UGDH: variants seen among roughly 807,000 people sequenced by gnomAD.
UGDH encodes the protein UDP-glucose 6-dehydrogenase.
In UGDH, 38 loss-of-function variants were observed where a neutral mutation model predicts 50.6. That is an observed-to-expected ratio of 0.75 (90% CI 0.58 to 0.98). The LOEUF (loss-of-function observed/expected upper bound fraction) is 0.98. UGDH is among the 50% of genes least tolerant of loss of function. The probability of loss-of-function intolerance (pLI) is 0.00; values close to 1 mark genes in which losing one functional copy is unlikely to be tolerated. For missense variants in UGDH, 465 were observed against 606.2 expected (o/e 0.77, Z 2.45); for synonymous variants, 168 against 199.9 (o/e 0.84, Z 1.35).
intron 5 of UGDH, 77 bp from the exon 6 acceptor site, chr4:39,509,984 C>A: frequency 2.1e-6 from 3 of 1,454,506 alleles, no homozygotes; most frequent in Non-Finnish European, 2.7e-6. Context: ...TATTTCATTG[C>A]GTTGACGCAA....
chr4:39,525,594 C>T (rs1434742063), intron 1 of UGDH, among the ~76,000 whole-genome samples: 1 of 149,842 alleles, frequency 6.7e-6, no homozygotes, highest in African/African-American at 2.5e-5. Context: ...GAAAGCTCTG[C>T]CTCCCAGGTT....
intron 2 of UGDH, among the ~76,000 whole-genome samples, chr4:39,515,080 C>T (rs1343717675): frequency 1.3e-5 from 2 of 152,102 alleles, no homozygotes; most frequent in Admixed American, 1.3e-4. Flanking sequence ...CTCAGGCAAT[C>T]CTCCCTGCTC....
chr4:39,514,878 C>T (rs1390012830), intron 2 of UGDH, among the ~76,000 whole-genome samples: 1 of 152,052 alleles, frequency 6.6e-6, no homozygotes, highest in Non-Finnish European at 1.5e-5. Flanking sequence ...GATGGGGTTT[C>T]ACCATGTTGG....
At chr4:39,521,218 T>TGTA in intron 2 of UGDH, 133 bp downstream of exon 2, 1 of 911,626 alleles carries the variant, frequency 1.1e-6, no homozygotes. Flanking sequence ...CCATGTGTTT[T>TGTA]GTATCCAGAT....
intron 2 of UGDH, among the ~76,000 whole-genome samples, chr4:39,519,547 T>C (rs1378120795): frequency 6.6e-6 from 1 of 152,010 alleles, no homozygotes; most frequent in Admixed American, 6.6e-5. Context: ...AATATATATA[T>C]ATATATTTTG....
rs1441988472 is a variant in UGDH at position 39,505,764 on chromosome 4, C to T, written c.907-16G>A. On this transcript the variant is annotated splice_polypyrimidine_tract_variant and intron_variant, in intron 7 of 11. Transcript: ENST00000316423. ...TGTCTATGACCTGAAATTACATGTA[C>T]AATTGTGCAATGATTAGTTAAAAGA... The T allele has an allele frequency of 3.8e-6, 6 of 1,592,588 alleles. No individual in the cohort carries two copies. Among genetic ancestry groups the T allele is most frequent in the East Asian group, 2.2e-5 (1 of 44,548 alleles).
chr4:39,505,904 TAAAAAA>T, intron 7 of UGDH, among the ~76,000 whole-genome samples, 156 bp from the exon 8 acceptor site: 1 of 144,408 alleles, frequency 6.9e-6, no homozygotes, highest in Non-Finnish European at 1.5e-5. Flanking sequence ...GCCTATGGAT[TAAAAAA>T]AAAAAAAAAT....
chr4:39,501,681 T>C (rs1745826341), intron 11 of UGDH, among the ~76,000 whole-genome samples: 1 of 152,234 alleles, frequency 6.6e-6, no homozygotes, highest in Admixed American at 6.5e-5. Flanking sequence ...TCCTCACTTG[T>C]AAATTGTGTT....
chr4:39,519,699 C>T (rs1397427590), intron 2 of UGDH, among the ~76,000 whole-genome samples: 2 of 151,904 alleles, frequency 1.3e-5, no homozygotes, highest in Non-Finnish European at 1.5e-5. Context: ...CCACTGCACC[C>T]GGCTAATTTT....
chr4:39,512,819 ATTTTT>A (rs386399849), intron 3 of UGDH, among the ~76,000 whole-genome samples: 53 of 135,862 alleles, frequency 3.9e-4, no homozygotes, highest in South Asian at 7.0e-4. Flanking sequence ...AAGAGACTGA[ATTTTT>A]TTTTTTTTTT....
chr4:39,506,321 G>A (rs1420791423), intron 7 of UGDH, among the ~76,000 whole-genome samples: 2 of 151,324 alleles, frequency 1.3e-5, no homozygotes, highest in Admixed American at 1.3e-4. Context: ...GCCAAAAGTG[G>A]AGCGCACAAC....
intron 2 of UGDH, among the ~76,000 whole-genome samples, chr4:39,516,188 G>A (rs541906977): frequency 6.6e-6 from 1 of 152,306 alleles, no homozygotes; most frequent in East Asian, 1.9e-4. Flanking sequence ...GGAGGCTGAG[G>A]TGGGAGGATC....
rs375062099 is a variant in UGDH at position 39,510,540 on chromosome 4, T to C, written c.476A>G (p.Asn159Ser). Residue 159 changes from asparagine to serine, a missense_variant, in exon 5 of 12, where the codon AAC becomes AGC. Transcript: ENST00000316423. ...TGTTCCCTCTGCCAGAAACTCAGGG[T>C]TGGACAGCACCTAGAATCCCAATGC... is the stretch of plus-strand genomic sequence containing the variant. ...KPNLNLQVLS[N>S]PEFLAEGTAI... The C allele has an allele frequency of 6.6e-5, 107 of 1,614,074 alleles. No homozygotes were observed. The highest frequency in any genetic ancestry group is 9.0e-5 in the Non-Finnish European group (106 of 1,180,024).
intron 1 of UGDH, among the ~76,000 whole-genome samples, chr4:39,526,024 A>G (rs1028848033): frequency 6.6e-6 from 1 of 152,236 alleles, no homozygotes; most frequent in African/African-American, 2.4e-5. Flanking sequence ...TCACTAACAA[A>G]TAACAAATGC....
chr4:39,500,653 C>CTTTTTTT (rs11284301), intron 11 of UGDH, among the ~76,000 whole-genome samples: 16 of 135,224 alleles, frequency 1.2e-4, no homozygotes, highest in Non-Finnish European at 1.3e-4. Flanking sequence ...GCATAATTCT[C>CTTTTTTT]TTTTTTTTTT....
At position 39,527,349 on chromosome 4, in the gene UGDH, GCCGCGCCGCCGCAGCTTCTCCAC is replaced by G. The variant is rs1362213674; in HGVS notation, c.-97_-75del. The G allele has an allele frequency of 7.0e-5, 17 of 242,662 alleles. No homozygotes were observed. The allele number at this position is 242,662 out of a possible 1,614,324, so 15.0% of individuals were successfully genotyped here. On this transcript the variant is annotated 5_prime_UTR_variant, in exon 1 of 12. Transcript: ENST00000316423. The stretch of plus-strand genomic sequence containing the variant: ...TCGTTCGGACAGCACCTTCCTACGG[GCCGCGCCGCCGCAGCTTCTCCAC>G]CCGCGCCCCGCTCGATCTGAGCTCC...
intron 1 of UGDH, among the ~76,000 whole-genome samples, chr4:39,526,148 C>T (rs1288865635): frequency 6.6e-6 from 1 of 152,186 alleles, no homozygotes; most frequent in African/African-American, 2.4e-5. Flanking sequence ...ATCAGCTTCA[C>T]ACATTTTAAT....
intron 1 of UGDH, 107 bp downstream of exon 1, chr4:39,527,176 A>C (rs1279596223): frequency 2.1e-5 from 26 of 1,242,840 alleles, no homozygotes; most frequent in Non-Finnish European, 2.5e-5. Context: ...CAGCGCAGCG[A>C]GCGACCGGGA....
chr4:39,506,256 T>C (rs1250681528), intron 7 of UGDH, among the ~76,000 whole-genome samples: 1 of 121,068 alleles, frequency 8.3e-6, no homozygotes, highest in Admixed American at 8.7e-5. Context: ...AAAGCCATTC[T>C]AAAAATTTCT....
Sources: gnomAD v4.1 joint callset for allele counts (sites outside exome capture counted in the v4.1 genomes callset) on GRCh38, gnomAD v4.1.1 for gene constraint, MANE v1.5 for transcripts, NCBI Gene and HGNC (gene_info 2026-07-23, HGNC 2026-07-21) for gene names.